The following SLFN12L variants were observed in gnomAD, a reference collection of about 807,000 sequenced individuals.
SLFN12L encodes schlafen family member 12-like.
Under a neutral mutation model 34.8 loss-of-function variants are expected in SLFN12L, and 34 were observed. That is an observed-to-expected ratio of 0.98 (90% CI 0.74 to 1.30). The LOEUF (loss-of-function observed/expected upper bound fraction) is 1.30, where lower values mean the gene tolerates loss of function less well. Among genes scored for constraint, SLFN12L ranks in the 50% most tolerant of loss-of-function variants. SLFN12L has a pLI of 0.00. For missense variants in SLFN12L, 703 were observed against 696.2 expected (o/e 1.01, Z -0.11); for synonymous variants, 259 against 247.5 (o/e 1.05, Z -0.44).
intron 1 of SLFN12L, among the ~76,000 whole-genome samples, chr17:35,530,504 GAAAGA>G: frequency 3.0e-5 from 1 of 33,110 alleles, no homozygotes; most frequent in South Asian, 8.1e-4. Flanking sequence ...AAGAAAGAAA[GAAAGA>G]AAGAAAAGAA....
chr17:35,527,281 A>G (rs1033319550), intron 1 of SLFN12L, among the ~76,000 whole-genome samples: 1 of 152,240 alleles, frequency 6.6e-6, no homozygotes, highest in East Asian at 1.9e-4. Context: ...TACCAGAGGT[A>G]TGAAGAGGAG....
At chr17:35,515,482 T>C (rs562904809) in intron 2 of SLFN12L, among the ~76,000 whole-genome samples, 2 of 152,220 alleles carry the variant, frequency 1.3e-5, no homozygotes, top group South Asian at 2.1e-4. Context: ...GCTTGTTTGT[T>C]TTTGAGACCT....
At chr17:35,533,430 T>C (rs1341157633) in intron 1 of SLFN12L, among the ~76,000 whole-genome samples, 2 of 152,268 alleles carry the variant, frequency 1.3e-5, no homozygotes, top group East Asian at 1.9e-4. Flanking sequence ...CTTGAGGAGG[T>C]TGACAGTAAA....
intron 2 of SLFN12L, among the ~76,000 whole-genome samples, chr17:35,518,640 A>G (rs1039643929): frequency 1.3e-5 from 2 of 152,164 alleles, no homozygotes; most frequent in Non-Finnish European, 2.9e-5. Context: ...AATCAAAACC[A>G]CAATGAGATA....
At chr17:35,494,958 T>G (rs1427549507) in intron 2 of SLFN12L, among the ~76,000 whole-genome samples, 1 of 151,888 alleles carries the variant, frequency 6.6e-6, no homozygotes. Context: ...CAGGCTGGAG[T>G]GCAGTGGCTG....
chr17:35,490,732 C>G, intron 2 of SLFN12L: 1 of 1,475,668 alleles, frequency 6.8e-7, no homozygotes. Context: ...TCAACATATT[C>G]GAAAAATTAG....
intron 2 of SLFN12L, among the ~76,000 whole-genome samples, chr17:35,483,707 T>C (rs117419931): frequency 7.9e-5 from 12 of 152,328 alleles, no homozygotes; most frequent in Non-Finnish European, 1.5e-4. Flanking sequence ...TGTTTTGCTA[T>C]AGACGAAAAC....
At chr17:35,483,976 T>C (rs570536484) in intron 2 of SLFN12L, among the ~76,000 whole-genome samples, 48 of 152,368 alleles carry the variant, frequency 3.2e-4, no homozygotes, top group Admixed American at 5.9e-4. Context: ...AGAATTCATA[T>C]GCAAATCATG....
intron 2 of SLFN12L, among the ~76,000 whole-genome samples, chr17:35,518,740 A>G (rs981614572): frequency 2.6e-5 from 4 of 152,212 alleles, no homozygotes; most frequent in African/African-American, 9.7e-5. Flanking sequence ...ACACTTTTAC[A>G]TTGTTGGTGG....
intron 4 of SLFN12L, among the ~76,000 whole-genome samples, chr17:35,476,473 G>GGAAA (rs1914016791): frequency 9.3e-6 from 1 of 107,292 alleles, no homozygotes. Flanking sequence ...AAGGAAGGAA[G>GGAAA]GAAGGAAGGA....
intron 1 of SLFN12L, among the ~76,000 whole-genome samples, chr17:35,529,982 A>G (rs1248224975): frequency 6.6e-6 from 1 of 151,940 alleles, no homozygotes; most frequent in Non-Finnish European, 1.5e-5. Context: ...CAGAAACATT[A>G]ATTAACTTTC....
chr17:35,522,312 A>G lies in SLFN12L; in HGVS notation c.53T>C (p.Ile18Thr). The G allele has an allele frequency of 6.2e-7, 1 of 1,614,186 alleles. No individual in the cohort carries two copies. The highest frequency in any genetic ancestry group is 8.5e-7 in the Non-Finnish European group (1 of 1,180,026). ...ATTCCTCAGAAACTGACTTTCACAA[A>G]TGTAGAGAATTCTGTGTGCCTCACA... ...FHCEAHRILY[I>T]CESQFLRNFI... is the part of the protein sequence containing the mutation. The change falls in exon 2 of 5, where the codon ATT (isoleucine) becomes ACT (threonine). Residue 18 changes from isoleucine (I) to threonine (T), a missense_variant. Coordinates refer to ENST00000628453, the MANE Select transcript of SLFN12L (RefSeq NM_001363830.2).
At position 35,511,679 on chromosome 17, in the gene SLFN12L, T is replaced by C. The variant is rs141345766; in HGVS notation, c.86+10600A>G. On this transcript the variant is annotated intron_variant, in intron 2 of 4. Transcript: ENST00000628453. ...TGGAAGGATCCCTTGAGCCCAAGTA[T>C]TTGACGTGGCAGTGAGCTATGATTG... Among the ~76,000 whole-genome samples, 3 of 152,140 alleles carry C rather than the reference T, an allele frequency of 2.0e-5. No individual in the cohort carries two copies. The East Asian group carries it at 5.8e-4, about 29-fold the overall frequency.
chr17:35,491,160 G>A (rs1452528143), intron 2 of SLFN12L: 2 of 819,586 alleles, frequency 2.4e-6, no homozygotes, highest in Admixed American at 2.0e-5. Flanking sequence ...TGAGCCTCGG[G>A]GAGGAGGAAG....
chr17:35,535,803 G>A (rs573924216), intron 1 of SLFN12L, among the ~76,000 whole-genome samples: 8 of 151,954 alleles, frequency 5.3e-5, no homozygotes, highest in African/African-American at 1.7e-4. Context: ...TGACAGGCAC[G>A]CACCACCACT....
Position 35,469,614 on chromosome 17 carries a change from A to T in SLFN12L, c.*5309T>A, listed in dbSNP as rs1913773446. The stretch of plus-strand genomic sequence containing the variant: ...ACCCCAGGTTTCTTACGATGATGCC[A>T]AATAGGCCCAGGGGCAATGGGTCTT... On this transcript the variant is annotated 3_prime_UTR_variant, in exon 5 of 5. Transcript: ENST00000628453. Among the ~76,000 whole-genome samples, 1 of 152,042 alleles carries T rather than the reference A, an allele frequency of 6.6e-6. No homozygotes were observed. The highest frequency in any genetic ancestry group is 2.4e-5 in the African/African-American group (1 of 41,376).
chr17:35,530,441 GAAGA>G lies in SLFN12L; in HGVS notation c.-606+7128_-606+7131del, dbSNP rs1289016983. Reference sequence around the variant, plus strand: ...AGGAAGGAAGGAAGGGAAGGGAAGGGAAGAAAGAAAGAAAGAAAGAAAGAAAGAA... The same window carrying G: ...AGGAAGGAAGGAAGGGAAGGGAAGGGAAGAAAGAAAGAAAGAAAGAAAGAA... On this transcript the variant is annotated intron_variant, in intron 1 of 4. Coordinates refer to ENST00000628453, the MANE Select transcript of SLFN12L (RefSeq NM_001363830.2). 5.3e-3 allele frequency among the ~76,000 whole-genome samples: 90 copies of G among 16,846 alleles called. 5 individuals carry two copies. The highest frequency in any genetic ancestry group is 0.011 in the Non-Finnish European group (51 of 4,452). The allele number at this position is 16,846 out of a possible 152,430, so 11.1% of individuals were successfully genotyped here. A position where few individuals can be genotyped will look rare whatever the true frequency, so the allele number is the denominator to read the frequency against.
At chr17:35,519,167 A>G (rs922233153) in intron 2 of SLFN12L, among the ~76,000 whole-genome samples, 3 of 152,202 alleles carry the variant, frequency 2.0e-5, no homozygotes, top group Non-Finnish European at 4.4e-5. Context: ...AAAGGGGAAC[A>G]TCACACACTG....
At chr17:35,498,068 C>T (rs1227846425) in intron 2 of SLFN12L, 4 of 531,032 alleles carry the variant, frequency 7.5e-6, no homozygotes, top group Non-Finnish European at 1.3e-5. Flanking sequence ...CCGCCCAGAG[C>T]GGCGGCGAGG....
Sources: gnomAD v4.1 joint callset for allele counts (sites outside exome capture counted in the v4.1 genomes callset) on GRCh38, gnomAD v4.1.1 for gene constraint, MANE v1.5 for transcripts, NCBI Gene and HGNC (gene_info 2026-07-23, HGNC 2026-07-21) for gene names.